The following FHIT variants were observed in gnomAD, a reference collection of about 807,000 sequenced individuals.
FHIT encodes the protein fragile histidine triad diadenosine triphosphatase.
In FHIT, 19 loss-of-function variants were observed where a neutral mutation model predicts 17.9. The observed-to-expected ratio is 1.06, with a 90% CI of 0.74 to 1.56. The LOEUF (loss-of-function observed/expected upper bound fraction) is 1.56. Among genes scored for constraint, FHIT ranks in the 40% most tolerant of loss-of-function variants. The pLI, the probability that FHIT is intolerant of heterozygous loss-of-function variation, is 0.00. For synonymous variants in FHIT, 81 were observed against 69.7 expected (o/e 1.16, Z -0.81); for missense variants, 248 against 189.2 (o/e 1.31, Z -1.82).
At chr3:60,062,754 A>C (rs1702344030) in intron 5 of FHIT, among the ~76,000 whole-genome samples, 1 of 151,976 alleles carries the variant, frequency 6.6e-6, no homozygotes, top group Non-Finnish European at 1.5e-5. Flanking sequence ...TGAAATTATA[A>C]TGGATATGGA....
chr3:60,187,216 T>C (rs1033566599), intron 5 of FHIT, among the ~76,000 whole-genome samples: 5 of 152,084 alleles, frequency 3.3e-5, no homozygotes, highest in African/African-American at 1.2e-4. Flanking sequence ...GCGTGCAAAA[T>C]GTGAAACCCC....
intron 5 of FHIT, among the ~76,000 whole-genome samples, chr3:60,185,515 C>T (rs1702120589): frequency 6.6e-6 from 1 of 152,112 alleles, no homozygotes; most frequent in Non-Finnish European, 1.5e-5. Flanking sequence ...TTTATTCATT[C>T]ACTTATTGAA....
At chr3:61,079,944 G>T (rs1209441138) in intron 2 of FHIT, among the ~76,000 whole-genome samples, 2 of 151,876 alleles carry the variant, frequency 1.3e-5, no homozygotes, top group African/African-American at 4.8e-5. Context: ...TGTGAAAATG[G>T]AACATGTCCT....
chr3:61,204,495 T>TTC (rs1299046758), intron 1 of FHIT, among the ~76,000 whole-genome samples: 3 of 152,116 alleles, frequency 2.0e-5, no homozygotes, highest in Admixed American at 2.0e-4. Flanking sequence ...ACGCAATCGA[T>TTC]TCTCTATACA....
rs1378788090 is a variant in FHIT, at chr3:60,229,950, C to T, written c.104-215798G>A. 2.0e-5 allele frequency among the ~76,000 whole-genome samples: 3 copies of T among 152,302 alleles called. No homozygotes were observed. In the South Asian group the frequency reaches 6.2e-4, roughly 32 times the overall value. On this transcript the variant is annotated intron_variant, in intron 5 of 9. Coordinates refer to ENST00000492590, the MANE Select transcript of FHIT (RefSeq NM_002012.4). ...TGAGCTATGATTGTGCCACTGCACT[C>T]CAGCCTGGCCAACAGCACAAGACCC... is the stretch of plus-strand genomic sequence containing the variant.
intron 4 of FHIT, among the ~76,000 whole-genome samples, chr3:60,679,790 A>C (rs2040703571): frequency 6.6e-6 from 1 of 152,044 alleles, no homozygotes; most frequent in African/African-American, 2.4e-5. Flanking sequence ...ATTCCACTAC[A>C]TTTGCCAACT....
At chr3:60,441,756 A>ATT (rs1415725744) in intron 5 of FHIT, among the ~76,000 whole-genome samples, 23,988 of 57,832 alleles carry the variant, frequency 0.41, 6,405 homozygotes, top group Admixed American at 0.53. Flanking sequence ...ATATATATAA[A>ATT]AATATATATA....
chr3:60,415,705 G>A (rs1447304257), intron 5 of FHIT, among the ~76,000 whole-genome samples: 1 of 146,832 alleles, frequency 6.8e-6, no homozygotes, highest in Non-Finnish European at 1.5e-5. Context: ...GCAGTGAAGG[G>A]TAGAAACTGA....
At chr3:60,790,744 C>A (rs1283771121) in intron 4 of FHIT, among the ~76,000 whole-genome samples, 1 of 152,176 alleles carries the variant, frequency 6.6e-6, no homozygotes, top group African/African-American at 2.4e-5. Context: ...ATGTTACATA[C>A]TTGTCCAAAC....
At chr3:59,808,311 T>G (rs543448323) in intron 8 of FHIT, among the ~76,000 whole-genome samples, 22 of 152,240 alleles carry the variant, frequency 1.4e-4, no homozygotes, top group Non-Finnish European at 5.9e-5. Flanking sequence ...AGGCTAGAAG[T>G]CCACATGGTA....
intron 3 of FHIT, among the ~76,000 whole-genome samples, chr3:60,972,349 C>G (rs546158331): frequency 1.1e-4 from 16 of 152,224 alleles, no homozygotes; most frequent in African/African-American, 3.9e-4. Context: ...GTATAAAATT[C>G]TGAATTGGCA....
intron 5 of FHIT, among the ~76,000 whole-genome samples, chr3:60,180,220 C>G (rs868247633): frequency 2.0e-5 from 3 of 152,144 alleles, no homozygotes; most frequent in Non-Finnish European, 4.4e-5. Flanking sequence ...AGATCACGGG[C>G]AGCAAAGTGA....
chr3:60,688,400 G>C (rs1389087825), intron 4 of FHIT, among the ~76,000 whole-genome samples: 1 of 150,998 alleles, frequency 6.6e-6, no homozygotes, highest in Admixed American at 6.6e-5. Context: ...TATTCAGATA[G>C]ACTATTTGGT....
At chr3:60,465,637 T>C (rs574943718) in intron 5 of FHIT, among the ~76,000 whole-genome samples, 1 of 152,274 alleles carries the variant, frequency 6.6e-6, no homozygotes, top group East Asian at 1.9e-4. Context: ...CACCACTTAC[T>C]GAAGAGATTG....
intron 9 of FHIT, 57 bp from the exon 10 acceptor site, chr3:59,749,636 CTGTAGGAACAA>C (rs1352268799): frequency 3.9e-5 from 9 of 230,574 alleles, no homozygotes; most frequent in African/African-American, 1.8e-4. Context: ...GAAATCTTCT[CTGTAGGAACAA>C]TGAGGAGGCA....
At chr3:59,920,073 C>T (rs1705328732) in intron 8 of FHIT, among the ~76,000 whole-genome samples, 1 of 152,182 alleles carries the variant, frequency 6.6e-6, no homozygotes, top group Admixed American at 6.5e-5. Flanking sequence ...AATGACCTGG[C>T]TTTGAATCTG....
At chr3:60,948,984 T>C (rs921146901) in intron 3 of FHIT, among the ~76,000 whole-genome samples, 2 of 152,048 alleles carry the variant, frequency 1.3e-5, no homozygotes, top group Non-Finnish European at 2.9e-5. Context: ...CCCATAAAAA[T>C]TAACCTTACT....
chr3:60,671,791 A>AC (rs1467293339), intron 4 of FHIT, among the ~76,000 whole-genome samples: 77 of 150,954 alleles, frequency 5.1e-4, no homozygotes, highest in African/African-American at 1.7e-3. Flanking sequence ...AAAAAAAAAA[A>AC]ACACAAAAAT....
intron 2 of FHIT, among the ~76,000 whole-genome samples, chr3:61,193,620 T>C (rs2038776592): frequency 6.6e-6 from 1 of 152,206 alleles, no homozygotes; most frequent in Admixed American, 6.5e-5. Flanking sequence ...AAGTAACCAG[T>C]TATGCATGTA....
Sources: gnomAD v4.1 joint callset for allele counts (sites outside exome capture counted in the v4.1 genomes callset) on GRCh38, gnomAD v4.1.1 for gene constraint, MANE v1.5 for transcripts, NCBI Gene and HGNC (gene_info 2026-07-23, HGNC 2026-07-21) for gene names.